LDLRAP1: variants seen among roughly 807,000 people sequenced by gnomAD.
The protein encoded by LDLRAP1 is low density lipoprotein receptor adapter protein 1.
A neutral mutation model predicts 37.8 loss-of-function variants in LDLRAP1; 30 were observed. That is an observed-to-expected ratio of 0.79 (90% CI 0.59 to 1.08). The LOEUF (loss-of-function observed/expected upper bound fraction) is 1.08. LDLRAP1 is among the 50% of genes least tolerant of loss of function. The probability of loss-of-function intolerance (pLI) is 0.00; values close to 1 mark genes in which losing one functional copy is unlikely to be tolerated. For synonymous variants in LDLRAP1, 156 were observed against 169.8 expected (o/e 0.92, Z 0.63); for missense variants, 375 against 401.6 (o/e 0.93, Z 0.57).
At position 25,568,716 on chromosome 1, in the gene LDLRAP1, G is replaced by C. The variant is rs1249649494; in HGVS notation, c.*1724G>C. ...CAGCCTTGGCACGAGGGGGGCCAGGGGTTCTGAGAAGCGCTGCCCTGTGAG... is the reference window on the plus strand; with the variant it reads ...CAGCCTTGGCACGAGGGGGGCCAGGCGTTCTGAGAAGCGCTGCCCTGTGAG... On this transcript the variant is annotated 3_prime_UTR_variant, in exon 9 of 9. Coordinates refer to ENST00000374338, the MANE Select transcript of LDLRAP1 (RefSeq NM_015627.3). 6.6e-6 allele frequency: 1 copy of C among 152,282 alleles called. No homozygotes were observed. The highest frequency in any genetic ancestry group is 2.4e-5 in the African/African-American group (1 of 41,474). 9.4% of individuals were successfully genotyped at this position (152,282 alleles called of 1,614,324 possible).
At chr1:25,549,939 A>T (rs1330748356) in intron 1 of LDLRAP1, 1 of 152,456 alleles carries the variant, frequency 6.6e-6, no homozygotes, top group East Asian at 1.9e-4. Context: ...GCCTGGGAAC[A>T]TGGGGTACAA....
chr1:25,581,212 T>C, the LDLRAP1 span, among the ~76,000 whole-genome samples: 1 of 152,146 alleles, frequency 6.6e-6, no homozygotes, highest in Non-Finnish European at 1.5e-5. Context: ...TGATGCTTGC[T>C]GTAGCCAGCA....
chr1:25,589,743 T>C, the LDLRAP1 span, among the ~76,000 whole-genome samples: 1 of 152,126 alleles, frequency 6.6e-6, no homozygotes, highest in African/African-American at 2.4e-5. Context: ...GGCTGTCCAG[T>C]TTGCAAATGG....
At chr1:25,546,359 C>T (rs1325631951) in intron 1 of LDLRAP1, among the ~76,000 whole-genome samples, 4 of 152,172 alleles carry the variant, frequency 2.6e-5, no homozygotes, top group Non-Finnish European at 4.4e-5. Flanking sequence ...GAGAAAGAAG[C>T]CCAGAGAAGG....
chr1:25,548,759 G>A (rs1480417949), intron 1 of LDLRAP1, among the ~76,000 whole-genome samples: 2 of 152,072 alleles, frequency 1.3e-5, no homozygotes, highest in Non-Finnish European at 2.9e-5. Flanking sequence ...CTGCAGCCTC[G>A]ACCTCCTGGG....
chr1:25,557,027 A>G (rs1275658062), intron 3 of LDLRAP1, 126 bp from the exon 4 acceptor site: 7 of 763,606 alleles, frequency 9.2e-6, no homozygotes, highest in South Asian at 1.5e-5. Context: ...CTGGATTCCC[A>G]GAGTCTGCCC....
At chr1:25,575,732 G>T in the LDLRAP1 span, among the ~76,000 whole-genome samples, 1 of 152,208 alleles carries the variant, frequency 6.6e-6, no homozygotes. Flanking sequence ...GATTAAATGA[G>T]CACTGAGTAT....
chr1:25,551,778 C>T (rs2044076733), intron 1 of LDLRAP1, among the ~76,000 whole-genome samples: 1 of 151,970 alleles, frequency 6.6e-6, no homozygotes, highest in South Asian at 2.1e-4. Context: ...GGGTGGAGGC[C>T]CAGGGATGAG....
chr1:25,560,672 G>T (rs1246648107), intron 4 of LDLRAP1, among the ~76,000 whole-genome samples: 1 of 152,246 alleles, frequency 6.6e-6, no homozygotes, highest in Admixed American at 6.5e-5. Context: ...AGGGCTGCTG[G>T]GGGGCATGTG....
chr1:25,586,582 G>A, the LDLRAP1 span, among the ~76,000 whole-genome samples: 7 of 147,526 alleles, frequency 4.7e-5, no homozygotes, highest in South Asian at 4.2e-4. This position sits in a 1 kb window ranked among gnomAD's most constrained non-coding sequence, Gnocchi z 4.3. Flanking sequence ...GTGCGTGTGC[G>A]CGCGTGTGTG....
intron 1 of LDLRAP1, among the ~76,000 whole-genome samples, chr1:25,545,546 C>T (rs1034191646): frequency 2.1e-4 from 32 of 152,192 alleles, no homozygotes; most frequent in Admixed American, 6.5e-4. Flanking sequence ...ATCCTTGGGA[C>T]GCTGCCAGCA....
chr1:25,565,062 C>A (rs1222561278), intron 7 of LDLRAP1, 111 bp from the exon 8 acceptor site: 73 of 1,239,432 alleles, frequency 5.9e-5, no homozygotes, highest in Non-Finnish European at 8.2e-5. Flanking sequence ...GGCGCCCACC[C>A]TGAGCTTGTG....
rs74060926 is a variant in LDLRAP1 at position 25,555,132 on chromosome 1, C to T, written c.344+160C>T. On this transcript the variant is annotated intron_variant, in intron 3 of 8. Coordinates refer to ENST00000374338, the MANE Select transcript of LDLRAP1 (RefSeq NM_015627.3). This position sits in a 1 kb window ranked among gnomAD's most constrained non-coding sequence, Gnocchi z 4.7. Reference sequence around the variant, plus strand: ...GGTGGGAACAGATCCTGCTGCACAGCGCTGTTAGGAAACGTGGAGTGCACG... The same window carrying T: ...GGTGGGAACAGATCCTGCTGCACAGTGCTGTTAGGAAACGTGGAGTGCACG... Among the ~76,000 whole-genome samples, 2 of 152,306 alleles carry T rather than the reference C, an allele frequency of 1.3e-5. No homozygotes were observed. The highest frequency in any genetic ancestry group is 2.4e-5 in the African/African-American group (1 of 41,558).
the LDLRAP1 span, chr1:25,581,573 C>T: frequency 6.6e-6 from 1 of 152,368 alleles, no homozygotes; most frequent in South Asian, 2.1e-4. Flanking sequence ...TTCCCTCCAA[C>T]TAGGGCACCT....
chr1:25,546,832 A>AT (rs112728847), intron 1 of LDLRAP1, among the ~76,000 whole-genome samples: 2,501 of 151,430 alleles, frequency 0.017, 25 homozygotes, highest in African/African-American at 0.019. Context: ...TTTTTTTGTG[A>AT]TTTTTTTTTA....
chr1:25,570,437 A>G (rs1333586436), downstream of LDLRAP1, among the ~76,000 whole-genome samples: 2 of 152,168 alleles, frequency 1.3e-5, no homozygotes, highest in East Asian at 3.8e-4. Context: ...TCCCATGTAC[A>G]TCTGGGGACT....
chr1:25,586,841 A>G, the LDLRAP1 span, among the ~76,000 whole-genome samples: 1 of 152,078 alleles, frequency 6.6e-6, no homozygotes, highest in African/African-American at 2.4e-5. The surrounding 1 kb of genome is among the most constrained non-coding windows in gnomAD (Gnocchi z 4.3). Context: ...CCCCAGCCTG[A>G]GCTGAACCCT....
At chr1:25,558,663 C>T (rs187052715) in intron 4 of LDLRAP1, among the ~76,000 whole-genome samples, 221 of 152,266 alleles carry the variant, frequency 1.5e-3, no homozygotes, top group Admixed American at 2.4e-3. Flanking sequence ...CTGATTTCAT[C>T]GTCACATTGC....
chr1:25,571,966 C>T (rs1557717779), downstream of LDLRAP1, among the ~76,000 whole-genome samples: 1 of 152,124 alleles, frequency 6.6e-6, no homozygotes, highest in Non-Finnish European at 1.5e-5. Context: ...TTCATGGTGC[C>T]CTGGAAAGTC....
Sources: allele counts gnomAD v4.1 joint callset (sites outside exome capture counted in the v4.1 genomes callset), GRCh38; gene constraint gnomAD v4.1.1; non-coding constraint Gnocchi (gnomAD v3.1); transcripts MANE v1.5; gene names NCBI Gene and HGNC (gene_info 2026-07-23, HGNC 2026-07-21).